Variants in PON3 observed in about 807,000 individuals in gnomAD.
PON3 encodes the protein paraoxonase 3.
In PON3, 37 loss-of-function variants were observed where a neutral mutation model predicts 36.3. The ratio of observed to expected loss-of-function variants is 1.02; its 90% CI spans 0.78 to 1.34. PON3 has a LOEUF of 1.34. Among genes scored for constraint, PON3 ranks in the 40% most tolerant of loss-of-function variants. The pLI is 0.00. For synonymous variants in PON3, 155 were observed against 154.8 expected (o/e 1.00, Z -0.01); for missense variants, 415 against 426.5 (o/e 0.97, Z 0.24).
At chr7:95,380,723 T>C (rs1391236208) in intron 3 of PON3, among the ~76,000 whole-genome samples, 1 of 152,220 alleles carries the variant, frequency 6.6e-6, no homozygotes, top group African/African-American at 2.4e-5. Flanking sequence ...AATCTGCGTC[T>C]GATTGGTGTA....
chr7:95,363,743 T>G (rs1034614368), intron 6 of PON3, 120 bp downstream of exon 6: 5 of 989,696 alleles, frequency 5.1e-6, no homozygotes, highest in South Asian at 2.6e-5. Context: ...TGGCCACAAC[T>G]GATCCCTCCA....
chr7:95,393,017 G>A (rs901968390), intron 2 of PON3, among the ~76,000 whole-genome samples: 1 of 152,134 alleles, frequency 6.6e-6, no homozygotes, highest in South Asian at 2.1e-4. Context: ...TTCAGGAAAG[G>A]CGTTTTCTTT....
At chr7:95,366,901 A>G (rs902658594) in intron 5 of PON3, among the ~76,000 whole-genome samples, 2 of 152,268 alleles carry the variant, frequency 1.3e-5, no homozygotes, top group East Asian at 1.9e-4. Context: ...TGTAATTTTT[A>G]TAAGTGCCCA....
At chr7:95,375,662 T>C (rs1349406524) in intron 3 of PON3, among the ~76,000 whole-genome samples, 1 of 152,158 alleles carries the variant, frequency 6.6e-6, no homozygotes, top group Non-Finnish European at 1.5e-5. Context: ...AATAATCTGA[T>C]AGATAGATAA....
At chr7:95,366,289 C>T (rs1808691361) in intron 5 of PON3, among the ~76,000 whole-genome samples, 1 of 152,154 alleles carries the variant, frequency 6.6e-6, no homozygotes, top group African/African-American at 2.4e-5. Context: ...GAAATTGAGG[C>T]ACCAATTAAG....
intron 3 of PON3, among the ~76,000 whole-genome samples, chr7:95,378,349 A>G (rs1808967482): frequency 6.6e-6 from 1 of 152,210 alleles, no homozygotes; most frequent in African/African-American, 2.4e-5. Flanking sequence ...TATCCAGGAG[A>G]ACTTCCCCAA....
chr7:95,378,573 A>G (rs1252214610), intron 3 of PON3, among the ~76,000 whole-genome samples: 1 of 152,222 alleles, frequency 6.6e-6, no homozygotes, highest in Non-Finnish European at 1.5e-5. Context: ...AAACCCTACA[A>G]GCCAGAAGAG....
At chr7:95,384,007 T>C (rs1361416623) in intron 3 of PON3, among the ~76,000 whole-genome samples, 1 of 152,050 alleles carries the variant, frequency 6.6e-6, no homozygotes, top group African/African-American at 2.4e-5. Flanking sequence ...AAAACAGATA[T>C]ATAGACCTAT....
intron 3 of PON3, among the ~76,000 whole-genome samples, chr7:95,384,293 G>A (rs1462893295): frequency 6.6e-6 from 1 of 152,058 alleles, no homozygotes; most frequent in Non-Finnish European, 1.5e-5. Flanking sequence ...CATAGGCATG[G>A]GCAAAGACTT....
chr7:95,390,102 C>T, intron 3 of PON3, 52 bp downstream of exon 3: 1 of 1,511,004 alleles, frequency 6.6e-7, no homozygotes, highest in Non-Finnish European at 9.2e-7. Flanking sequence ...CATTAATGCA[C>T]TGTCTATACA....
intron 3 of PON3, among the ~76,000 whole-genome samples, chr7:95,374,360 T>A (rs1808870793): frequency 6.6e-6 from 1 of 152,132 alleles, no homozygotes; most frequent in Non-Finnish European, 1.5e-5. Context: ...CCTCCTCTGT[T>A]CTTAGATTAA....
intron 3 of PON3, among the ~76,000 whole-genome samples, chr7:95,379,542 C>T (rs1431264161): frequency 6.6e-6 from 1 of 152,252 alleles, no homozygotes; most frequent in Non-Finnish European, 1.5e-5. Context: ...GCAAACAGCA[C>T]ACCAGGAGAT....
intron 4 of PON3, among the ~76,000 whole-genome samples, chr7:95,370,125 C>T (rs1808777554): frequency 6.6e-6 from 1 of 152,106 alleles, no homozygotes; most frequent in Non-Finnish European, 1.5e-5. Flanking sequence ...GAACCCAGGC[C>T]GTTCTGGAGA....
At position 95,363,989 on chromosome 7, in the gene PON3, AG is replaced by A. The variant is rs779935118; in HGVS notation, c.568del (p.Leu190CysfsTer6). On this transcript the variant is annotated frameshift_variant, in exon 6 of 9. Transcript: ENST00000265627. LOFTEE classifies it high-confidence loss of function. ...ATCCAAGATCATCTCAAAAAATGAC[AG>A]GAGGGAGTTGGTAAAATAGTGGTCT... Reference protein sequence around the residue: ...TRDHYFTNSLLSFFEMILDLR... With the variant: ...TRDHYFTNSLXSFFEMILDLR... 1 of 1,613,900 alleles carries A rather than the reference AG, an allele frequency of 6.2e-7. No individual in the cohort carries two copies. The highest frequency in any genetic ancestry group is 2.2e-5 in the East Asian group (1 of 44,866).
chr7:95,396,238 GA>G, intron 1 of PON3, 38 bp downstream of exon 1: 1 of 1,605,894 alleles, frequency 6.2e-7, no homozygotes, highest in Non-Finnish European at 8.5e-7. Flanking sequence ...GAAGAGGAGA[GA>G]AAGAGAGTCG....
At chr7:95,372,032 C>A in intron 4 of PON3, 141 bp downstream of exon 4, 2 of 1,050,660 alleles carry the variant, frequency 1.9e-6, no homozygotes, top group Non-Finnish European at 2.8e-6. Flanking sequence ...AGGTTTTATA[C>A]CTATTTATCA....
At position 95,367,414 on chromosome 7, in the gene PON3, G is replaced by C. The variant is rs771269467; in HGVS notation, c.442C>G (p.Gln148Glu). 2 of 1,613,062 alleles carry C rather than the reference G, an allele frequency of 1.2e-6. No individual in the cohort carries two copies. The highest frequency in any genetic ancestry group is 1.1e-5 in the South Asian group (1 of 91,064). The change falls in exon 5 of 9, where the codon CAA becomes GAA. Residue 148 changes from glutamine (Q) to glutamate (E), a missense_variant. Transcript: ENST00000265627. The stretch of plus-strand genomic sequence containing the variant: ...TTCAGGTATACCAGAGAACGTTGTT[G>C]TTCCTCAAATTTAAATATCTCCACA... The part of the protein sequence containing the change: ...STVEIFKFEE[Q>E]QRSLVYLKTI...
At chr7:95,370,466 A>G (rs892039798) in intron 4 of PON3, among the ~76,000 whole-genome samples, 1 of 152,220 alleles carries the variant, frequency 6.6e-6, no homozygotes, top group Non-Finnish European at 1.5e-5. Context: ...TTCGAGAAGT[A>G]AAGACACCAT....
Position 95,391,955 on chromosome 7 carries a change from G to T in PON3, c.146-1746C>A, listed in dbSNP as rs539473632. On this transcript the variant is annotated intron_variant, in intron 2 of 8. Transcript: ENST00000265627. The stretch of plus-strand genomic sequence containing the variant: ...AGAGTAAAAAGGCATAGAAGGAAAC[G>T]ATCTTGGCTCATAAGCTAAGCCCAT... Among the ~76,000 whole-genome samples, 4 of 152,322 alleles carry T rather than the reference G, an allele frequency of 2.6e-5. No individual in the cohort carries two copies. In the East Asian group the frequency reaches 7.7e-4, roughly 29 times the overall value.
Sources: gnomAD v4.1 joint callset for allele counts (sites outside exome capture counted in the v4.1 genomes callset) on GRCh38, gnomAD v4.1.1 for gene constraint, MANE v1.5 for transcripts, NCBI Gene and HGNC (gene_info 2026-07-23, HGNC 2026-07-21) for gene names.